BAIAP2L2: variants seen among roughly 807,000 people sequenced by gnomAD.
BAIAP2L2 encodes the protein BAR/IMD domain-containing adapter protein 2-like 2.
In BAIAP2L2, 65 loss-of-function variants were observed where a neutral mutation model predicts 60.4. The ratio of observed to expected loss-of-function variants is 1.08; its 90% confidence interval spans 0.88 to 1.32. The LOEUF (loss-of-function observed/expected upper bound fraction) is 1.32, where lower values mean the gene tolerates loss of function less well. Among genes scored for constraint, BAIAP2L2 ranks in the 40% most tolerant of loss-of-function variants. BAIAP2L2 has a pLI of 0.00. For synonymous variants in BAIAP2L2, 344 were observed against 301.7 expected (o/e 1.14, Z -1.45); for missense variants, 836 against 741.2 (o/e 1.13, Z -1.48).
At chr22:38,105,595 G>A (rs1370397024) in intron 4 of BAIAP2L2, among the ~76,000 whole-genome samples, 3 of 151,886 alleles carry the variant, frequency 2.0e-5, no homozygotes, top group Non-Finnish European at 2.9e-5. Context: ...CGCCCACCTC[G>A]GCCTCCCAAA....
Position 38,097,164 on chromosome 22 carries a change from C to A in BAIAP2L2, c.480G>T (p.Arg160=), listed in dbSNP as rs1252497165. The A allele has an allele frequency of 1.9e-6, 3 of 1,613,558 alleles. No individual in the cohort carries two copies. The highest frequency in any genetic ancestry group is 2.5e-6 in the Non-Finnish European group (3 of 1,179,956). ...CGAAGGCCTGCATCTGTGCGTGCAG[C>A]CGGTTCACACTCTCCTGGGGGGGAA... ...NVREMKESVN[R]LHAQMQAFVS... is the part of the protein sequence containing the mutation. Residue 160 remains arginine (R), a synonymous_variant, in exon 7 of 14, where the codon CGG becomes CGT. Coordinates refer to ENST00000381669, the MANE Select transcript of BAIAP2L2 (RefSeq NM_025045.6).
chr22:38,093,763 G>A (rs2086362418), intron 7 of BAIAP2L2: 2 of 385,814 alleles, frequency 5.2e-6, no homozygotes, highest in African/African-American at 2.1e-5. Flanking sequence ...TGATGGACAC[G>A]GAAACACTCC....
chr22:38,086,733 C>T lies in BAIAP2L2; in HGVS notation c.1260-284G>A, dbSNP rs568107967. On this transcript the variant is annotated intron_variant, in intron 11 of 13. Coordinates refer to ENST00000381669, the MANE Select transcript of BAIAP2L2 (RefSeq NM_025045.6). ...CTTGCCACCTGGGTGCAGTGACTCA[C>T]GCCTGTAATCCCAGCACTTTGGGAG... Among the ~76,000 whole-genome samples, 20 of 152,198 alleles carry T rather than the reference C, an allele frequency of 1.3e-4. No homozygotes were observed. In the South Asian group the frequency reaches 4.1e-3, roughly 32 times the overall value.
intron 7 of BAIAP2L2, chr22:38,091,599 A>G (rs2086302202): frequency 6.6e-6 from 1 of 152,214 alleles, no homozygotes; most frequent in African/African-American, 2.4e-5. Flanking sequence ...AGGCCATGGG[A>G]AAAATTTTAA....
chr22:38,089,904 C>T (rs1306349501), intron 7 of BAIAP2L2, among the ~76,000 whole-genome samples: 3 of 151,922 alleles, frequency 2.0e-5, no homozygotes, highest in Admixed American at 1.3e-4. Flanking sequence ...CCGCTTCCCG[C>T]GTCAATGTGT....
chr22:38,088,762 C>T lies in BAIAP2L2; in HGVS notation c.1104G>A (p.Leu368=). 6.3e-7 allele frequency: 1 copy of T among 1,599,518 alleles called. No homozygotes were observed. The change falls in exon 10 of 14, where the codon CTG becomes CTA. Residue 368 remains leucine, a synonymous_variant. Transcript: ENST00000381669. ...CTCCCACTCACGCGGACGAGCCCTC[C>T]AGCTTGCCGTAGAGCCAGCCGTTCT... ...EAQNGWLYGK[L]EGSSASGWFP... is the part of the protein sequence containing the mutation.
Position 38,109,785 on chromosome 22 carries a change from G to A in BAIAP2L2, c.52-577C>T, listed in dbSNP as rs2086761984. ...GACTTGGGCCTGGACTTGGACTTGG[G>A]TCTCGGTTCAAATCCCAGCAGCACC... On this transcript the variant is annotated intron_variant, in intron 1 of 13. Coordinates refer to ENST00000381669, the MANE Select transcript of BAIAP2L2 (RefSeq NM_025045.6). 2.0e-5 allele frequency among the ~76,000 whole-genome samples: 3 copies of A among 152,144 alleles called. No homozygotes were observed. In the South Asian group the frequency reaches 6.2e-4, roughly 32 times the overall value.
intron 1 of BAIAP2L2, among the ~76,000 whole-genome samples, chr22:38,109,961 A>T (rs985720799): frequency 6.8e-6 from 1 of 147,612 alleles, no homozygotes; most frequent in Non-Finnish European, 1.5e-5. Flanking sequence ...GCGCTCAATA[A>T]ATGTCTGTGG....
At position 38,087,230 on chromosome 22, in the gene BAIAP2L2, G is replaced by A; in HGVS notation, c.1153C>T (p.Leu385=). Residue 385 remains leucine (L), a synonymous_variant, in exon 11 of 14, where the codon CTG becomes TTG. Transcript: ENST00000381669. ...ATGGGATTCACGGGCCCCTCCTCCA[G>A]AGCCTTCACGTACGCCTCGGGGAAC... ...GWFPEAYVKA[L]EEGPVNPMTP... The A allele has an allele frequency of 6.2e-7, 1 of 1,606,900 alleles. No homozygotes were observed. Among genetic ancestry groups the A allele is most frequent in the Non-Finnish European group, 8.5e-7 (1 of 1,177,034 alleles).
chr22:38,088,497 A>T (rs1160713449), intron 10 of BAIAP2L2, among the ~76,000 whole-genome samples: 3 of 152,160 alleles, frequency 2.0e-5, no homozygotes, highest in Non-Finnish European at 4.4e-5. Context: ...ACACTTTTGG[A>T]AGAACCTGCC....
chr22:38,086,501 C>T (rs759439766), intron 11 of BAIAP2L2, 52 bp from the exon 12 acceptor site: 3 of 1,365,522 alleles, frequency 2.2e-6, no homozygotes, highest in South Asian at 3.0e-5. Flanking sequence ...CTGTCCAATC[C>T]CTTGTCCTGC....
Position 38,088,852 on chromosome 22 carries a change from G to A in BAIAP2L2, c.1014C>T (p.Gly338=). 3 of 1,597,146 alleles carry A rather than the reference G, an allele frequency of 1.9e-6. No individual in the cohort carries two copies. The highest frequency in any genetic ancestry group is 1.1e-5 in the South Asian group (1 of 90,470). The change falls in exon 10 of 14, where the codon GGC becomes GGT. Residue 338 remains glycine, a synonymous_variant. Transcript: ENST00000381669. The part of the protein sequence containing the change: ...RVRALVSHSE[G]ANHTLLRFSA... ...AGAAGCGCAGCAGCGTGTGGTTGGC[G>A]CCCTCCGAGTGGGAGACCAGGGCGC... is the stretch of plus-strand genomic sequence containing the variant.
At chr22:38,109,074 G>T in intron 2 of BAIAP2L2, 59 bp downstream of exon 2, 1 of 1,418,110 alleles carries the variant, frequency 7.1e-7, no homozygotes, top group East Asian at 2.3e-5. Flanking sequence ...GAGGGGCCTG[G>T]GTGGGTGGGA....
rs1200168710 is a variant in BAIAP2L2, at chr22:38,087,239, C to G, written c.1144G>C (p.Val382Leu). Residue 382 changes from valine (V) to leucine (L), a missense_variant, in exon 11 of 14, where the codon GTG becomes CTG. Val to Leu is a conservative substitution (Grantham distance 32). Coordinates refer to ENST00000381669, the MANE Select transcript of BAIAP2L2 (RefSeq NM_025045.6). ...SASGWFPEAY[V>L]KALEEGPVNP... Reference sequence around the variant, plus strand: ...ACGGGCCCCTCCTCCAGAGCCTTCACGTACGCCTCGGGGAACCAACCGCTC... The same window carrying G: ...ACGGGCCCCTCCTCCAGAGCCTTCAGGTACGCCTCGGGGAACCAACCGCTC... 1.9e-6 allele frequency: 3 copies of G among 1,607,022 alleles called. No homozygotes were observed. The highest frequency in any genetic ancestry group is 4.5e-5 in the East Asian group (2 of 44,092).
intron 5 of BAIAP2L2, 39 bp downstream of exon 5, chr22:38,098,372 T>A: frequency 1.9e-6 from 3 of 1,595,914 alleles, no homozygotes; most frequent in Non-Finnish European, 2.6e-6. Context: ...GGGTCCTGCC[T>A]GCAGTGAGTT....
intron 1 of BAIAP2L2, 26 bp downstream of exon 1, chr22:38,110,449 C>T (rs762655100): frequency 6.2e-7 from 1 of 1,609,270 alleles, no homozygotes; most frequent in Non-Finnish European, 8.5e-7. Context: ...GGGGCTCAGG[C>T]CTGGCTTGGC....
rs889502441 is a variant in BAIAP2L2, at chr22:38,110,591, T to C, written c.-66A>G. 2 of 1,392,860 alleles carry C rather than the reference T, an allele frequency of 1.4e-6. No individual in the cohort carries two copies. The highest frequency in any genetic ancestry group is 2.0e-6 in the Non-Finnish European group (2 of 1,011,208). The allele number at this position is 1,392,860 out of a possible 1,614,324, so 86.3% of individuals were successfully genotyped here. Reference sequence around the variant, plus strand: ...GTGGCGATGGCACAGCCGGGAGCAGTGGTAGGTAGTCCCTCAGGTGCCCAC... The same window carrying C: ...GTGGCGATGGCACAGCCGGGAGCAGCGGTAGGTAGTCCCTCAGGTGCCCAC... On this transcript the variant is annotated 5_prime_UTR_variant, in exon 1 of 14. Transcript: ENST00000381669.
In BAIAP2L2 at chr22:38,109,142, C is replaced by T. The variant is rs780130920; in HGVS notation, c.118G>A (p.Ala40Thr). 1.2e-6 allele frequency: 2 copies of T among 1,612,322 alleles called. No homozygotes were observed. Among genetic ancestry groups the T allele is most frequent in the African/African-American group, 1.3e-5 (1 of 74,804 alleles). ...CCGGGCAGGCACTCACCGTGGAAGGCACGCAGGTAGTTGTTGCCCAGGTAC... is the reference window on the plus strand; with the variant it reads ...CCGGGCAGGCACTCACCGTGGAAGGTACGCAGGTAGTTGTTGCCCAGGTAC... ...LVYLGNNYLR[A>T]FHALSEAAEV... The change falls in exon 2 of 14, where the codon GCC (alanine) becomes ACC (threonine). Residue 40 changes from alanine to threonine, a missense_variant. By Grantham distance (58) the Ala-to-Thr change is moderately conservative. Transcript: ENST00000381669.
chr22:38,110,156 A>G (rs1289290849), intron 1 of BAIAP2L2, among the ~76,000 whole-genome samples: 1 of 106,618 alleles, frequency 9.4e-6, no homozygotes, highest in Non-Finnish European at 1.7e-5. Context: ...AGAGGGAGAG[A>G]CAGAGAGAGA....
Sources: allele counts gnomAD v4.1 joint callset (sites outside exome capture counted in the v4.1 genomes callset), GRCh38; gene constraint gnomAD v4.1.1; transcripts MANE v1.5; gene names NCBI Gene and HGNC (gene_info 2026-07-23, HGNC 2026-07-21).